ANKS1B: variants seen among roughly 807,000 people sequenced by gnomAD.
ANKS1B encodes ankyrin repeat and sterile alpha motif domain containing 1B.
A neutral mutation model predicts 148.3 loss-of-function variants in ANKS1B; 36 were observed. The ratio of observed to expected loss-of-function variants is 0.24; its 90% CI spans 0.19 to 0.32. The LOEUF (loss-of-function observed/expected upper bound fraction) is 0.32, where lower values mean the gene tolerates loss of function less well. Ranked by LOEUF, ANKS1B falls within the 10% of genes least tolerant of loss-of-function variation. The pLI is 1.00. For missense variants in ANKS1B, 1,157 were observed against 1,542.6 expected, an observed-to-expected ratio of 0.75 and a Z score of 4.19; for synonymous variants, 542 against 560.8, an observed-to-expected ratio of 0.97 and a Z score of 0.47.
At chr12:99,071,089 G>T (rs1331704268) in intron 16 of ANKS1B, among the ~76,000 whole-genome samples, 1 of 152,124 alleles carries the variant, frequency 6.6e-6, no homozygotes, top group Admixed American at 6.6e-5. Context: ...TACAAAACTT[G>T]TTATTTTTAC....
intron 25 of ANKS1B, among the ~76,000 whole-genome samples, chr12:98,770,747 C>G (rs1219316267): frequency 6.6e-6 from 1 of 152,156 alleles, no homozygotes; most frequent in Admixed American, 6.5e-5. Context: ...GGACCTTAAG[C>G]TGGTATAGAT....
At chr12:99,111,555 A>G (rs749325266) in intron 15 of ANKS1B, among the ~76,000 whole-genome samples, 1 of 152,030 alleles carries the variant, frequency 6.6e-6, no homozygotes, top group Non-Finnish European at 1.5e-5. Flanking sequence ...TTCATAGCCA[A>G]TACCTAAATG....
At chr12:99,411,860 G>A (rs1455960566) in intron 11 of ANKS1B, among the ~76,000 whole-genome samples, 1 of 152,090 alleles carries the variant, frequency 6.6e-6, no homozygotes, top group Non-Finnish European at 1.5e-5. Flanking sequence ...GACCCTTCCT[G>A]TTTTATATAC....
At chr12:99,872,144 T>C (rs900096445) in intron 1 of ANKS1B, among the ~76,000 whole-genome samples, 2 of 152,136 alleles carry the variant, frequency 1.3e-5, no homozygotes, top group African/African-American at 4.8e-5. Flanking sequence ...GAACTACTCA[T>C]GTATTTCCAG....
intron 8 of ANKS1B, among the ~76,000 whole-genome samples, chr12:99,758,831 G>A (rs2061813172): frequency 6.6e-6 from 1 of 151,836 alleles, no homozygotes; most frequent in East Asian, 1.9e-4. Context: ...TACTATGACA[G>A]TAAAAACACT....
At chr12:99,385,977 A>G (rs559868250) in intron 12 of ANKS1B, among the ~76,000 whole-genome samples, 3 of 152,314 alleles carry the variant, frequency 2.0e-5, no homozygotes, top group Admixed American at 2.0e-4. Context: ...TTCCTTTCAC[A>G]TGTGCTTATG....
intron 17 of ANKS1B, among the ~76,000 whole-genome samples, chr12:98,934,626 T>A (rs1002590559): frequency 6.6e-6 from 1 of 152,120 alleles, no homozygotes; most frequent in Non-Finnish European, 1.5e-5. Context: ...ATTTGTTTGT[T>A]TCTTGTTTTA....
At chr12:99,924,348 C>T (rs775651197) in intron 1 of ANKS1B, among the ~76,000 whole-genome samples, 9 of 152,104 alleles carry the variant, frequency 5.9e-5, no homozygotes, top group Non-Finnish European at 1.0e-4. Flanking sequence ...TAAAGGATGA[C>T]ATTACTCAAG....
At chr12:99,681,068 G>A (rs1412759732) in intron 8 of ANKS1B, among the ~76,000 whole-genome samples, 1 of 152,008 alleles carries the variant, frequency 6.6e-6, no homozygotes. Flanking sequence ...ACCTGCCCTG[G>A]TAGCCAAAGA....
chr12:99,506,663 G>A (rs1263576239), intron 9 of ANKS1B, among the ~76,000 whole-genome samples: 1 of 151,946 alleles, frequency 6.6e-6, no homozygotes. Context: ...AGTTGATGTG[G>A]TAGATTTATT....
intron 10 of ANKS1B, among the ~76,000 whole-genome samples, chr12:99,458,672 A>G (rs535502153): frequency 6.6e-6 from 1 of 152,172 alleles, no homozygotes; most frequent in African/African-American, 2.4e-5. Context: ...GGAGATGGAT[A>G]AATTCCTGGA....
chr12:99,727,546 T>C (rs1299202170), intron 8 of ANKS1B, among the ~76,000 whole-genome samples: 1 of 152,190 alleles, frequency 6.6e-6, no homozygotes, highest in African/African-American at 2.4e-5. Flanking sequence ...ATCAATGTTG[T>C]GAAAATGGCC....
At chr12:99,284,028 G>A (rs1201293279) in intron 12 of ANKS1B, among the ~76,000 whole-genome samples, 1 of 151,936 alleles carries the variant, frequency 6.6e-6, no homozygotes, top group Non-Finnish European at 1.5e-5. Flanking sequence ...TAAGTTCTGG[G>A]TTACCCTGAG....
chr12:98,745,869 A>AT lies in ANKS1B; in HGVS notation c.3748-21dup. ...GATCTGCTTTAAAACAGAAAGGCTG[A>AT]TGCCTGTTATACGGTCGCCGCGCGG... On this transcript the variant is annotated intron_variant, in intron 26 of 26. Coordinates refer to ENST00000683438, the MANE Select transcript of ANKS1B (RefSeq NM_001352186.2). 1 of 1,608,666 alleles carries AT rather than the reference A, an allele frequency of 6.2e-7. No homozygotes were observed. The highest frequency in any genetic ancestry group is 8.5e-7 in the Non-Finnish European group (1 of 1,177,602).
At chr12:99,924,177 C>T (rs1020633905) in intron 1 of ANKS1B, among the ~76,000 whole-genome samples, 2 of 151,946 alleles carry the variant, frequency 1.3e-5, no homozygotes, top group African/African-American at 2.4e-5. Context: ...GTGGCATAAG[C>T]AACAAGATGG....
At chr12:99,089,854 C>G (rs190461023) in intron 15 of ANKS1B, among the ~76,000 whole-genome samples, 1 of 152,186 alleles carries the variant, frequency 6.6e-6, no homozygotes, top group Admixed American at 6.5e-5. Flanking sequence ...ACCAATCACA[C>G]TGCATAAGGT....
chr12:99,949,055 C>T, intron 1 of ANKS1B, among the ~76,000 whole-genome samples: 1 of 152,152 alleles, frequency 6.6e-6, no homozygotes, highest in East Asian at 1.9e-4. Context: ...CCACTTTTAA[C>T]CCTCTTAAGA....
chr12:99,031,911 C>T (rs556146889), intron 17 of ANKS1B, among the ~76,000 whole-genome samples: 1 of 152,246 alleles, frequency 6.6e-6, no homozygotes, highest in South Asian at 2.1e-4. Flanking sequence ...AAAAACATTG[C>T]CCTAATGATG....
At chr12:98,936,065 T>A (rs546377568) in intron 17 of ANKS1B, among the ~76,000 whole-genome samples, 1 of 152,348 alleles carries the variant, frequency 6.6e-6, no homozygotes, top group South Asian at 2.1e-4. Flanking sequence ...TTATATGCAA[T>A]GTTCAGTTCG....
Sources: allele counts gnomAD v4.1 joint callset (sites outside exome capture counted in the v4.1 genomes callset), GRCh38; gene constraint gnomAD v4.1.1; transcripts MANE v1.5; gene names NCBI Gene and HGNC (gene_info 2026-07-23, HGNC 2026-07-21).